DLEC1: variants seen among roughly 807,000 people sequenced by gnomAD.
The protein encoded by DLEC1 is DLEC1 cilia and flagella associated protein, also known as deleted in lung and esophageal cancer protein 1.
In DLEC1, 146 loss-of-function variants were observed where a neutral mutation model predicts 198.1. The ratio of observed to expected loss-of-function variants is 0.74; its 90% confidence interval spans 0.64 to 0.85. The LOEUF is 0.85. DLEC1 is among the 40% of genes least tolerant of loss of function. The pLI is 0.00. For missense variants in DLEC1, 2,233 were observed against 2,220.0 expected (o/e 1.01, Z -0.12); for synonymous variants, 897 against 866.8 (o/e 1.03, Z -0.61).
At chr3:38,056,996 G>A (rs75366189) in intron 2 of DLEC1, among the ~76,000 whole-genome samples, 1,965 of 152,344 alleles carry the variant, frequency 0.013, 38 homozygotes, top group African/African-American at 0.043. Flanking sequence ...GCCAGTGGGC[G>A]AGACCACTGC....
intron 6 of DLEC1, among the ~76,000 whole-genome samples, chr3:38,075,295 T>C (rs1697548509): frequency 6.6e-6 from 1 of 152,180 alleles, no homozygotes; most frequent in Admixed American, 6.5e-5. Context: ...CATTTGCCTA[T>C]TTTTTGACAA....
At chr3:38,085,976 G>T (rs1698435053) in intron 8 of DLEC1, among the ~76,000 whole-genome samples, 1 of 152,200 alleles carries the variant, frequency 6.6e-6, no homozygotes, top group African/African-American at 2.4e-5. Flanking sequence ...GGCTGAGCAT[G>T]AATCCACAAT....
intron 3 of DLEC1, 140 bp from the exon 4 acceptor site, chr3:38,062,029 T>C: frequency 2.5e-6 from 2 of 792,436 alleles, no homozygotes; most frequent in Non-Finnish European, 4.1e-6. Context: ...TGAAGAGCAA[T>C]TATAGCTGGT....
chr3:38,087,530 CTGACACCATCCATCAGCAT>C (rs1218361403), intron 9 of DLEC1, among the ~76,000 whole-genome samples: 4 of 146,566 alleles, frequency 2.7e-5, no homozygotes, highest in Admixed American at 1.4e-4. Context: ...TCCATCAGCA[CTGACACCATCCATCAGCAT>C]GCTCACACCA....
intron 23 of DLEC1, among the ~76,000 whole-genome samples, chr3:38,111,276 C>T (rs1205718184): frequency 6.6e-6 from 1 of 152,188 alleles, no homozygotes; most frequent in Non-Finnish European, 1.5e-5. Context: ...GTACCCAATG[C>T]TGGACAGATG....
At chr3:38,082,379 C>G (rs888083701) in intron 6 of DLEC1, among the ~76,000 whole-genome samples, 1 of 150,148 alleles carries the variant, frequency 6.7e-6, no homozygotes, top group Non-Finnish European at 1.5e-5. Flanking sequence ...ACACTCCTCA[C>G]TTCCCAGACG....
intron 6 of DLEC1, among the ~76,000 whole-genome samples, chr3:38,076,935 T>C (rs990743111): frequency 2.2e-4 from 33 of 152,010 alleles, no homozygotes; most frequent in Admixed American, 2.1e-3. Context: ...TAAGGGGTGA[T>C]ATTGTGGGGT....
At chr3:38,058,690 C>A (rs114505786) in intron 2 of DLEC1, among the ~76,000 whole-genome samples, 1,958 of 152,218 alleles carry the variant, frequency 0.013, 38 homozygotes, top group African/African-American at 0.043. Context: ...AGAATGTACA[C>A]CACCAAGAGT....
rs1475308643 is a variant in DLEC1, at chr3:38,123,015, G to A, written c.*603G>A. ...GCCTTGCTGCTAGAGCAGCAGGACT[G>A]TCTGCGTAGCGCCTCCAGCCTGGGA... is the stretch of plus-strand genomic sequence containing the variant. On this transcript the variant is annotated 3_prime_UTR_variant, in exon 37 of 37. Coordinates refer to ENST00000308059, the MANE Select transcript of DLEC1 (RefSeq NM_007335.4). The A allele has an allele frequency of 2.5e-6, 4 of 1,609,014 alleles. No homozygotes were observed. The highest frequency in any genetic ancestry group is 3.4e-6 in the Non-Finnish European group (4 of 1,175,956).
intron 33 of DLEC1, 41 bp from the exon 34 acceptor site, chr3:38,120,407 C>T (rs1700386417): frequency 6.2e-7 from 1 of 1,608,694 alleles, no homozygotes; most frequent in Non-Finnish European, 8.5e-7. Flanking sequence ...GGCCACCTGC[C>T]CTCTGCAGCC....
chr3:38,085,567 C>G (rs1195223793), intron 8 of DLEC1, 120 bp downstream of exon 8: 5 of 1,236,966 alleles, frequency 4.0e-6, no homozygotes, highest in Non-Finnish European at 4.5e-6. Flanking sequence ...GGGCAGGGGC[C>G]GTGGGTCCTG....
chr3:38,082,223 C>G (rs934528380), intron 6 of DLEC1, among the ~76,000 whole-genome samples: 1 of 141,278 alleles, frequency 7.1e-6, no homozygotes, highest in Non-Finnish European at 1.5e-5. Context: ...ACGCTCCTCA[C>G]TTCCTAGATG....
rs149068837 is a variant in DLEC1 at position 38,073,258 on chromosome 3, C to A, written c.1173+9339C>A. 7.2e-4 allele frequency among the ~76,000 whole-genome samples: 109 copies of A among 152,330 alleles called. 1 individual carries two copies. In the East Asian group the frequency reaches 0.02, roughly 29 times the overall value. ...GCAAAACAATTTGGTTGATAAGGTG[C>A]AGATCCTGAACTAATCTGTAAGACT... On this transcript the variant is annotated intron_variant, in intron 6 of 36. Transcript: ENST00000308059.
At chr3:38,040,720 T>A (rs1207691776) in intron 1 of DLEC1, among the ~76,000 whole-genome samples, 2 of 152,234 alleles carry the variant, frequency 1.3e-5, no homozygotes, top group Non-Finnish European at 2.9e-5. Flanking sequence ...ATAAACCCCA[T>A]GACCAGTCAC....
intron 13 of DLEC1, 104 bp from the exon 14 acceptor site, chr3:38,095,784 T>C (rs1698983303): frequency 6.9e-7 from 1 of 1,457,680 alleles, no homozygotes; most frequent in African/African-American, 1.4e-5. Flanking sequence ...GTCCTTCTGA[T>C]GGCTAGGCTA....
At chr3:38,114,812 T>TGGTG (rs1700064223) in intron 26 of DLEC1, among the ~76,000 whole-genome samples, 171 bp from the exon 27 acceptor site, 1 of 152,134 alleles carries the variant, frequency 6.6e-6, no homozygotes, top group Non-Finnish European at 1.5e-5. Flanking sequence ...AGAGCCCAGC[T>TGGTG]CACCTGGTGC....
At chr3:38,096,539 G>A in intron 14 of DLEC1, 30 bp from the exon 15 acceptor site, 1 of 1,597,368 alleles carries the variant, frequency 6.3e-7, no homozygotes, top group Non-Finnish European at 8.5e-7. Context: ...AGGTGTGCCG[G>A]CTCCTAGCTA....
chr3:38,042,726 T>G (rs939181754), intron 1 of DLEC1, among the ~76,000 whole-genome samples: 1 of 152,066 alleles, frequency 6.6e-6, no homozygotes, highest in Non-Finnish European at 1.5e-5. Context: ...AGGCTAATTT[T>G]TTGTATTTTT....
intron 7 of DLEC1, among the ~76,000 whole-genome samples, chr3:38,084,610 A>AGTGGTAGTAGTAGTAGTGGTG (rs1559431043): frequency 4.5e-5 from 1 of 22,410 alleles, no homozygotes; most frequent in African/African-American, 1.5e-4. Flanking sequence ...TAGCAGTAGC[A>AGTGGTAGTAGTAGTAGTGGTG]GTAGCAGTAC....
Sources: gnomAD v4.1 joint callset for allele counts (sites outside exome capture counted in the v4.1 genomes callset) on GRCh38, gnomAD v4.1.1 for gene constraint, MANE v1.5 for transcripts, NCBI Gene and HGNC (gene_info 2026-07-23, HGNC 2026-07-21) for gene names.